VAV2: variants seen among roughly 807,000 people sequenced by gnomAD.
VAV2 encodes the protein vav guanine nucleotide exchange factor 2.
In VAV2, 67 loss-of-function variants were observed where a neutral mutation model predicts 132.5. The ratio of observed to expected loss-of-function variants is 0.51; its 90% CI spans 0.42 to 0.62. The LOEUF (loss-of-function observed/expected upper bound fraction) is 0.62, where lower values mean the gene tolerates loss of function less well. Ranked by LOEUF, VAV2 falls within the 20% of genes least tolerant of loss-of-function variation. VAV2 has a pLI of 0.00. For missense variants in VAV2, 938 were observed against 1,153.6 expected (o/e 0.81, Z 2.71); for synonymous variants, 492 against 443.5 (o/e 1.11, Z -1.37).
chr9:133,975,153 C>T (rs977013342), intron 1 of VAV2, among the ~76,000 whole-genome samples: 12 of 152,212 alleles, frequency 7.9e-5, no homozygotes, highest in Non-Finnish European at 1.3e-4. Context: ...ACTCCTACCC[C>T]GAGGCAGAAC....
At chr9:133,878,287 C>A (rs1320767481) in intron 2 of VAV2, among the ~76,000 whole-genome samples, 8 of 152,156 alleles carry the variant, frequency 5.3e-5, no homozygotes, top group African/African-American at 1.7e-4. Context: ...CAAGGAAGGC[C>A]TCACACGAAC....
At chr9:133,815,585 T>C (rs1269529151) in intron 4 of VAV2, among the ~76,000 whole-genome samples, 3 of 152,164 alleles carry the variant, frequency 2.0e-5, no homozygotes, top group Non-Finnish European at 2.9e-5. Flanking sequence ...CCCCTCAACA[T>C]TGGATCTTGT....
At chr9:133,942,000 C>T (rs1189259580) in intron 1 of VAV2, among the ~76,000 whole-genome samples, 5 of 151,980 alleles carry the variant, frequency 3.3e-5, no homozygotes, top group South Asian at 2.1e-4. Flanking sequence ...GGGGTGGTTT[C>T]GTGGGGAACA....
intron 1 of VAV2, 57 bp from the exon 2 acceptor site, chr9:133,939,276 G>A: frequency 1.4e-6 from 2 of 1,463,606 alleles, no homozygotes; most frequent in Non-Finnish European, 9.6e-7. Flanking sequence ...TGTAAGCTCT[G>A]TAAAAACCGT....
In VAV2 at chr9:133,829,157, A is replaced by G. The variant is rs1461416712; in HGVS notation, c.449+5115T>C. On this transcript the variant is annotated intron_variant, in intron 4 of 29. Coordinates refer to ENST00000371850, the MANE Select transcript of VAV2 (RefSeq NM_001134398.2). ...GGGAAGCGCAGTGCCTGCCAAGGAA[A>G]AGCCATTATGCAAATGCAAGGTACT... Among the ~76,000 whole-genome samples the G allele has an allele frequency of 2.0e-5, 3 of 152,366 alleles. No individual in the cohort carries two copies. In the East Asian group the frequency reaches 5.8e-4, roughly 29 times the overall value.
chr9:133,822,648 C>T (rs540219317), intron 4 of VAV2, among the ~76,000 whole-genome samples: 4 of 152,310 alleles, frequency 2.6e-5, no homozygotes, highest in Admixed American at 6.5e-5. Context: ...CTCGCCAAGC[C>T]ACATAGGCGG....
At chr9:133,815,962 G>T (rs188599724) in intron 4 of VAV2, among the ~76,000 whole-genome samples, 3 of 152,146 alleles carry the variant, frequency 2.0e-5, no homozygotes, top group Non-Finnish European at 2.9e-5. Flanking sequence ...AGCCAGCAGC[G>T]CTCACCAGCC....
chr9:133,942,315 G>A (rs1169469390), intron 1 of VAV2, among the ~76,000 whole-genome samples: 1 of 152,242 alleles, frequency 6.6e-6, no homozygotes, highest in African/African-American at 2.4e-5. Flanking sequence ...GGGAGAGGGC[G>A]TGGGACGGGC....
intron 1 of VAV2, among the ~76,000 whole-genome samples, chr9:133,970,350 C>T (rs1313587245): frequency 6.6e-6 from 1 of 152,168 alleles, no homozygotes; most frequent in East Asian, 1.9e-4. Flanking sequence ...GTTTCCCAAG[C>T]GGAGGCTGGG....
intron 22 of VAV2, among the ~76,000 whole-genome samples, chr9:133,777,818 G>A (rs940922540): frequency 6.6e-6 from 1 of 152,194 alleles, no homozygotes; most frequent in Non-Finnish European, 1.5e-5. Context: ...TGAATGTAGG[G>A]TCTGGTACAA....
intron 2 of VAV2, among the ~76,000 whole-genome samples, chr9:133,900,162 G>A (rs1400719112): frequency 6.6e-6 from 1 of 152,030 alleles, no homozygotes; most frequent in African/African-American, 2.4e-5. Context: ...TTACACCACT[G>A]CACTCCAGCC....
intron 3 of VAV2, among the ~76,000 whole-genome samples, chr9:133,835,741 C>T (rs944597040): frequency 2.0e-5 from 3 of 152,206 alleles, no homozygotes; most frequent in South Asian, 4.1e-4. Flanking sequence ...CCGCCCCAAC[C>T]GGAGGCCGGG....
chr9:133,954,088 C>T (rs1841661504), intron 1 of VAV2, among the ~76,000 whole-genome samples: 1 of 152,228 alleles, frequency 6.6e-6, no homozygotes, highest in Admixed American at 6.5e-5. Flanking sequence ...GTGCAACAAA[C>T]ACGGCCGAAA....
chr9:133,944,690 C>G (rs1018501100), intron 1 of VAV2, among the ~76,000 whole-genome samples: 1 of 152,204 alleles, frequency 6.6e-6, no homozygotes, highest in Non-Finnish European at 1.5e-5. Flanking sequence ...AGCAGGCCCC[C>G]GCCTAAGGGG....
intron 22 of VAV2, among the ~76,000 whole-genome samples, chr9:133,778,091 C>T (rs370707118): frequency 1.3e-5 from 2 of 152,076 alleles, no homozygotes; most frequent in Non-Finnish European, 2.9e-5. Flanking sequence ...GCATGCTCAA[C>T]GACATGGGGT....
chr9:133,938,504 G>C (rs2073887), intron 2 of VAV2, among the ~76,000 whole-genome samples: 100,785 of 144,616 alleles, frequency 0.7, 33,895 homozygotes, highest in East Asian at 0.82. Flanking sequence ...GCACCAGCCC[G>C]GCTCCTGCAT....
chr9:133,782,696 G>C (rs750220189), intron 19 of VAV2, among the ~76,000 whole-genome samples: 1 of 152,174 alleles, frequency 6.6e-6, no homozygotes, highest in Non-Finnish European at 1.5e-5. Context: ...CCAGAGACTC[G>C]GCCTGGGGCC....
In VAV2 at chr9:133,840,505, A is replaced by G. The variant is rs1836677601; in HGVS notation, c.381-6165T>C. On this transcript the variant is annotated intron_variant, in intron 3 of 29. Coordinates refer to ENST00000371850, the MANE Select transcript of VAV2 (RefSeq NM_001134398.2). The surrounding 1 kb of genome is among the most constrained non-coding windows in gnomAD (Gnocchi z 4.5). ...CCCCATGAGCTCAATTCTGGGCAGGACAATCACAGTCCCAGTGCTACAGCC... is the reference window on the plus strand; with the variant it reads ...CCCCATGAGCTCAATTCTGGGCAGGGCAATCACAGTCCCAGTGCTACAGCC... Among the ~76,000 whole-genome samples the G allele has an allele frequency of 1.3e-5, 2 of 152,140 alleles. No individual in the cohort carries two copies. The highest frequency in any genetic ancestry group is 4.8e-5 in the African/African-American group (2 of 41,438).
At chr9:133,792,634 G>A (rs2131625040) in intron 12 of VAV2, among the ~76,000 whole-genome samples, 1 of 151,868 alleles carries the variant, frequency 6.6e-6, no homozygotes, top group South Asian at 2.1e-4. Context: ...GTGAGCGTGT[G>A]TGTGCATGCA....
Sources: gnomAD v4.1 joint callset for allele counts (sites outside exome capture counted in the v4.1 genomes callset) on GRCh38, gnomAD v4.1.1 for gene constraint, Gnocchi (gnomAD v3.1) non-coding constraint, MANE v1.5 for transcripts, NCBI Gene and HGNC (gene_info 2026-07-23, HGNC 2026-07-21) for gene names.